The following RBFOX1 variants were observed in gnomAD, a reference collection of about 807,000 sequenced individuals.
The protein encoded by RBFOX1 is RNA binding protein fox-1 homolog 1.
In RBFOX1, 8 loss-of-function variants were observed where a neutral mutation model predicts 57.7. The observed-to-expected ratio is 0.14, with a 90% CI of 0.08 to 0.25. RBFOX1 has a LOEUF of 0.25. RBFOX1 is among the 10% of genes least tolerant of loss of function. The pLI, the probability that RBFOX1 is intolerant of heterozygous loss-of-function variation, is 1.00. For synonymous variants in RBFOX1, 326 were observed against 222.4 expected, an observed-to-expected ratio of 1.47 and a Z score of -4.15; for missense variants, 611 against 548.5, an observed-to-expected ratio of 1.11 and a Z score of -1.14.
intron 3 of RBFOX1, among the ~76,000 whole-genome samples, chr16:5,825,159 A>C (rs1006770490): frequency 9.2e-5 from 14 of 152,196 alleles, no homozygotes; most frequent in African/African-American, 2.7e-4. Flanking sequence ...GCCCAGGTTT[A>C]AGTCCCAGCT....
intron 4 of RBFOX1, among the ~76,000 whole-genome samples, chr16:7,360,137 T>C (rs1198250202): frequency 6.6e-6 from 1 of 152,234 alleles, no homozygotes; most frequent in Non-Finnish European, 1.5e-5. Flanking sequence ...TGGATGGAAC[T>C]TTATCTCATG....
Position 7,195,487 on chromosome 16 carries a change from G to C in RBFOX1, c.27+143389G>C, listed in dbSNP as rs564352154. Among the ~76,000 whole-genome samples, 8 of 152,260 alleles carry C rather than the reference G, an allele frequency of 5.3e-5. No homozygotes were observed. In the East Asian group the frequency reaches 1.4e-3, roughly 26 times the overall value. The stretch of plus-strand genomic sequence containing the variant: ...GCAAAACAGAACAACTGACCCAACA[G>C]CACAGATTTGAAAGACTGTTTGAGG... On this transcript the variant is annotated intron_variant, in intron 4 of 15. Coordinates refer to ENST00000550418, the MANE Select transcript of RBFOX1 (RefSeq NM_018723.4).
At chr16:7,673,578 T>G (rs1279949310) in intron 13 of RBFOX1, among the ~76,000 whole-genome samples, 1 of 152,086 alleles carries the variant, frequency 6.6e-6, no homozygotes, top group African/African-American at 2.4e-5. Context: ...TATTGGAGCA[T>G]CATTTGAGGT....
At chr16:5,668,122 A>T (rs549018107) in intron 3 of RBFOX1, among the ~76,000 whole-genome samples, 2 of 152,286 alleles carry the variant, frequency 1.3e-5, no homozygotes, top group African/African-American at 2.4e-5. Flanking sequence ...CTCTACTAAA[A>T]ATACAAAAAT....
chr16:6,872,932 C>G (rs1298469077), intron 3 of RBFOX1, among the ~76,000 whole-genome samples: 2 of 152,122 alleles, frequency 1.3e-5, no homozygotes, highest in Non-Finnish European at 2.9e-5. Flanking sequence ...CTCCCTGACA[C>G]TTGCTCTGTT....
intron 3 of RBFOX1, among the ~76,000 whole-genome samples, chr16:5,702,005 A>T (rs2051066230): frequency 6.6e-6 from 1 of 152,168 alleles, no homozygotes; most frequent in South Asian, 2.1e-4. Flanking sequence ...GGTAGAAAGT[A>T]AGAGCTCAAT....
At chr16:7,449,466 G>C (rs2098834132) in intron 4 of RBFOX1, among the ~76,000 whole-genome samples, 1 of 152,086 alleles carries the variant, frequency 6.6e-6, no homozygotes, top group Non-Finnish European at 1.5e-5. Context: ...TTATCATCCA[G>C]GTTTCACTAA....
chr16:5,757,222 G>T (rs989473725), intron 3 of RBFOX1, among the ~76,000 whole-genome samples: 9 of 148,936 alleles, frequency 6.0e-5, no homozygotes, highest in Non-Finnish European at 8.9e-5. Flanking sequence ...TTTTTGTTTT[G>T]GTTTTTGTGT....
intron 3 of RBFOX1, among the ~76,000 whole-genome samples, chr16:5,797,965 T>C (rs1442612548): frequency 6.6e-6 from 1 of 152,208 alleles, no homozygotes; most frequent in Non-Finnish European, 1.5e-5. Flanking sequence ...ATATGCATCA[T>C]TTATTCTTTC....
At chr16:6,506,853 G>C (rs936970946) in intron 2 of RBFOX1, among the ~76,000 whole-genome samples, 1 of 151,964 alleles carries the variant, frequency 6.6e-6, no homozygotes, top group Non-Finnish European at 1.5e-5. Flanking sequence ...TGGCCATGTT[G>C]GCCAGGCTGG....
chr16:5,369,677 C>G (rs2065811026), intron 1 of RBFOX1, among the ~76,000 whole-genome samples: 1 of 152,200 alleles, frequency 6.6e-6, no homozygotes, highest in South Asian at 2.1e-4. Context: ...AAACATATTT[C>G]CAAAGCACAC....
chr16:7,350,354 C>T (rs964686162), intron 4 of RBFOX1, among the ~76,000 whole-genome samples: 1 of 152,056 alleles, frequency 6.6e-6, no homozygotes, highest in Non-Finnish European at 1.5e-5. Context: ...ACCGGATGGT[C>T]AGTATGGCTG....
intron 4 of RBFOX1, among the ~76,000 whole-genome samples, chr16:7,193,646 C>T (rs551235142): frequency 1.3e-4 from 20 of 152,298 alleles, no homozygotes; most frequent in African/African-American, 4.6e-4. Flanking sequence ...ACTGAGGATA[C>T]TGCAACAGTG....
chr16:6,864,796 T>A (rs2059619585), intron 3 of RBFOX1, among the ~76,000 whole-genome samples: 1 of 151,946 alleles, frequency 6.6e-6, no homozygotes, highest in Admixed American at 6.6e-5. Flanking sequence ...TTAAAAACAA[T>A]AAGGAGAGAC....
chr16:7,606,984 A>G (rs931448169), intron 9 of RBFOX1, among the ~76,000 whole-genome samples: 2 of 152,184 alleles, frequency 1.3e-5, no homozygotes, highest in African/African-American at 4.8e-5. Context: ...TTATTATAGT[A>G]GTTCTAAAAA....
intron 3 of RBFOX1, among the ~76,000 whole-genome samples, chr16:5,703,657 A>G (rs1020797170): frequency 6.6e-5 from 10 of 152,188 alleles, no homozygotes; most frequent in South Asian, 2.1e-4. Flanking sequence ...TGAATAGGTT[A>G]CTTAACTCTC....
chr16:7,113,693 C>A (rs934455699), intron 4 of RBFOX1, among the ~76,000 whole-genome samples: 1 of 152,332 alleles, frequency 6.6e-6, no homozygotes, highest in Admixed American at 6.5e-5. Context: ...TGCATGTCAA[C>A]ATGTGGAGAT....
intron 7 of RBFOX1, among the ~76,000 whole-genome samples, chr16:7,594,427 G>A (rs2094588475): frequency 1.3e-5 from 2 of 152,194 alleles, no homozygotes; most frequent in South Asian, 4.1e-4. Context: ...GTAAATTTAT[G>A]TGGAAATTGT....
intron 5 of RBFOX1, among the ~76,000 whole-genome samples, chr16:7,578,956 A>G (rs1156353198): frequency 1.3e-5 from 2 of 152,208 alleles, no homozygotes; most frequent in East Asian, 3.9e-4. Context: ...AGGTGAAACA[A>G]TCAGTTATGC....
Sources: gnomAD v4.1 joint callset for allele counts (sites outside exome capture counted in the v4.1 genomes callset) on GRCh38, gnomAD v4.1.1 for gene constraint, MANE v1.5 for transcripts, NCBI Gene and HGNC (gene_info 2026-07-23, HGNC 2026-07-21) for gene names.